Variants in TENM2 observed in about 807,000 individuals in gnomAD.
The protein encoded by TENM2 is teneurin transmembrane protein 2, also known as teneurin-2.
A neutral mutation model predicts 245.2 loss-of-function variants in TENM2; 52 were observed. The ratio of observed to expected loss-of-function variants is 0.21; its 90% CI spans 0.17 to 0.27. The LOEUF is 0.27. Ranked by LOEUF, TENM2 falls within the 10% of genes least tolerant of loss-of-function variation. The pLI is 1.00. For missense variants in TENM2, 3,046 were observed against 3,666.8 expected (o/e 0.83, Z 4.37); for synonymous variants, 1,363 against 1,438.9 (o/e 0.95, Z 1.19).
At chr5:167,844,157 G>T (rs1416991816) in intron 2 of TENM2, among the ~76,000 whole-genome samples, 1 of 152,190 alleles carries the variant, frequency 6.6e-6, no homozygotes, top group Non-Finnish European at 1.5e-5. Context: ...AAAAAAAGTA[G>T]TATAAATGTA....
rs923184892 is a variant in TENM2, at chr5:167,834,644, T to C, written c.503-41342T>C. 3.4e-4 allele frequency among the ~76,000 whole-genome samples: 39 copies of C among 113,844 alleles called. No individual in the cohort carries two copies. In the East Asian group the frequency reaches 0.05, roughly 146 times the overall value. The allele number at this position is 113,844 out of a possible 152,430, so 74.7% of individuals were successfully genotyped here. ...ACAGTTGTGTCTGTACAATTTCTTT[T>C]TTTTTTTTTTTTTTTTTCTTTTTGA... On this transcript the variant is annotated intron_variant, in intron 2 of 28. Coordinates refer to ENST00000518659, the Ensembl canonical transcript of TENM2.
the TENM2 span, among the ~76,000 whole-genome samples, chr5:167,122,843 TGTGGAGCTATAAAG>T: frequency 6.6e-6 from 1 of 152,194 alleles, no homozygotes; most frequent in African/African-American, 2.4e-5. Context: ...GTGTTTCTGA[TGTGGAGCTATAAAG>T]GTGTGAGCTG....
In TENM2 at chr5:167,866,532, G is replaced by C. The variant is rs1439732492; in HGVS notation, c.503-9454G>C. Among the ~76,000 whole-genome samples, 4 of 150,644 alleles carry C rather than the reference G, an allele frequency of 2.7e-5. No individual in the cohort carries two copies. The Admixed American group carries it at 2.7e-4, about 10-fold the overall frequency. On this transcript the variant is annotated intron_variant, in intron 2 of 28. Coordinates refer to ENST00000518659, the Ensembl canonical transcript of TENM2. ...AAAAAAAAAAGTATTTGCCAACAAA[G>C]AGAGAGCACCTTCCATGCACGGAGA...
At chr5:167,290,944 T>C (rs1250107998) in intron 1 of TENM2, among the ~76,000 whole-genome samples, 1 of 152,222 alleles carries the variant, frequency 6.6e-6, no homozygotes, top group Non-Finnish European at 1.5e-5. Flanking sequence ...TTCGTCACTT[T>C]ATGGGCAATA....
At chr5:167,911,001 C>T (rs1366243294) in intron 3 of TENM2, among the ~76,000 whole-genome samples, 1 of 152,012 alleles carries the variant, frequency 6.6e-6, no homozygotes, top group African/African-American at 2.4e-5. Context: ...GCATCAAAAA[C>T]CTGTTATTAA....
intron 2 of TENM2, among the ~76,000 whole-genome samples, chr5:167,574,648 T>A: frequency 6.6e-6 from 1 of 152,186 alleles, no homozygotes; most frequent in East Asian, 1.9e-4. Flanking sequence ...TAGAAAGGGA[T>A]CTGGTAAATA....
At chr5:167,895,699 G>T (rs912143316) in intron 3 of TENM2, among the ~76,000 whole-genome samples, 1 of 152,170 alleles carries the variant, frequency 6.6e-6, no homozygotes, top group African/African-American at 2.4e-5. Context: ...TGCATTTCTA[G>T]CAGGCTCCCA....
intron 4 of TENM2, among the ~76,000 whole-genome samples, chr5:167,985,792 ATTTG>A (rs1303361753): frequency 3.3e-5 from 5 of 152,198 alleles, no homozygotes; most frequent in Admixed American, 6.5e-5. Flanking sequence ...AATTTTATGT[ATTTG>A]TTTGTTTGTT....
chr5:167,575,728 A>G (rs750014965), intron 2 of TENM2, among the ~76,000 whole-genome samples: 1 of 152,232 alleles, frequency 6.6e-6, no homozygotes, highest in African/African-American at 2.4e-5. Flanking sequence ...ATAGGGAAAG[A>G]TGCAGACAAG....
intron 5 of TENM2, among the ~76,000 whole-genome samples, chr5:168,016,934 A>G (rs1473852884): frequency 6.6e-6 from 1 of 152,190 alleles, no homozygotes; most frequent in Non-Finnish European, 1.5e-5. Flanking sequence ...GTGCTCAATG[A>G]TTGTTAGAAG....
intron 7 of TENM2, among the ~76,000 whole-genome samples, chr5:168,065,039 T>C (rs1160917637): frequency 6.6e-6 from 1 of 152,188 alleles, no homozygotes; most frequent in Non-Finnish European, 1.5e-5. Context: ...TTTTTATTGG[T>C]ATATCCTATC....
At chr5:167,593,231 T>C (rs1775991614) in intron 2 of TENM2, among the ~76,000 whole-genome samples, 1 of 152,200 alleles carries the variant, frequency 6.6e-6, no homozygotes, top group Admixed American at 6.5e-5. Context: ...CTTTAGAGTA[T>C]TATTACAAAA....
At chr5:167,592,686 C>G (rs918929412) in intron 2 of TENM2, among the ~76,000 whole-genome samples, 1 of 152,074 alleles carries the variant, frequency 6.6e-6, no homozygotes, top group Non-Finnish European at 1.5e-5. Context: ...AATTTGAAAG[C>G]TTTTGGTATT....
intron 2 of TENM2, 69 bp downstream of exon 4, chr5:167,375,542 GTTTTT>G: frequency 6.9e-7 from 1 of 1,458,394 alleles, no homozygotes; most frequent in African/African-American, 1.4e-5. Flanking sequence ...GAATGTTTTT[GTTTTT>G]TAATGAAGCG....
intron 2 of TENM2, among the ~76,000 whole-genome samples, chr5:167,450,884 A>G (rs2127474428): frequency 6.6e-6 from 1 of 152,282 alleles, no homozygotes; most frequent in East Asian, 1.9e-4. Context: ...GGATATTACT[A>G]TTAATATCAC....
At chr5:167,497,094 A>G (rs1434654580) in intron 2 of TENM2, among the ~76,000 whole-genome samples, 1 of 152,094 alleles carries the variant, frequency 6.6e-6, no homozygotes, top group Non-Finnish European at 1.5e-5. Context: ...ATGGAGGACC[A>G]TGTTATGATA....
intron 2 of TENM2, among the ~76,000 whole-genome samples, chr5:167,828,160 C>G (rs72833802): frequency 0.016 from 2,511 of 152,252 alleles, 30 homozygotes; most frequent in Middle Eastern, 0.048. Context: ...TTATCATCAC[C>G]GTTTTACAGA....
chr5:167,449,729 G>A (rs977731675), intron 2 of TENM2, among the ~76,000 whole-genome samples: 4 of 152,132 alleles, frequency 2.6e-5, no homozygotes, highest in African/African-American at 9.7e-5. Flanking sequence ...AGGCCAAGGT[G>A]GGTGGATCAC....
At chr5:167,520,618 G>A (rs1017737705) in intron 2 of TENM2, among the ~76,000 whole-genome samples, 4 of 152,060 alleles carry the variant, frequency 2.6e-5, no homozygotes, top group African/African-American at 9.7e-5. Context: ...GATACCAAAA[G>A]GTTGAAGAGA....
Sources: allele counts gnomAD v4.1 joint callset (sites outside exome capture counted in the v4.1 genomes callset), GRCh38; gene constraint gnomAD v4.1.1; transcripts MANE v1.5; gene names NCBI Gene and HGNC (gene_info 2026-07-23, HGNC 2026-07-21).